Variants in C9 observed in about 807,000 individuals in gnomAD.
The protein encoded by C9 is complement C9.
In C9, 63 loss-of-function variants were observed where a neutral mutation model predicts 65.4. The observed-to-expected ratio is 0.96, with a 90% CI of 0.79 to 1.19. The LOEUF is 1.19. C9 is among the 50% of genes most tolerant of loss of function. The pLI, the probability that C9 is intolerant of heterozygous loss-of-function variation, is 0.00. For missense variants in C9, 744 were observed against 670.1 expected, an observed-to-expected ratio of 1.11 and a Z score of -1.22; for synonymous variants, 229 against 227.9, an observed-to-expected ratio of 1.00 and a Z score of -0.04.
rs2111886842 is a variant in C9 at position 39,311,213 on chromosome 5, G to T, written c.1035C>A (p.His345Gln). The change falls in exon 7 of 11, where the codon CAC becomes CAA. Residue 345 changes from histidine (H) to glutamine (Q), a missense_variant. His to Gln is a conservative substitution (Grantham distance 24). Coordinates refer to ENST00000263408, the MANE Select transcript of C9 (RefSeq NM_001737.5). ...CTCCTAGAGACCCAGAGCTACTGTA[G>T]TGAGTTCCATAGGTTTCCAAAAAGG... ...YFAFLETYGT[H>Q]YSSSGSLGGL... 1 of 1,613,162 alleles carries T rather than the reference G, an allele frequency of 6.2e-7. No homozygotes were observed. The highest frequency in any genetic ancestry group is 1.3e-5 in the African/African-American group (1 of 75,006).
intron 1 of C9, among the ~76,000 whole-genome samples, chr5:39,347,917 G>T (rs1754241494): frequency 6.7e-6 from 1 of 149,258 alleles, no homozygotes; most frequent in Non-Finnish European, 1.5e-5. Context: ...CAAGAAATGG[G>T]GAAAGGATTC....
At chr5:39,349,357 C>T (rs982236639) in intron 1 of C9, among the ~76,000 whole-genome samples, 4 of 152,052 alleles carry the variant, frequency 2.6e-5, no homozygotes, top group African/African-American at 4.8e-5. Context: ...TGATATTAAA[C>T]ATAAAAAGCC....
chr5:39,318,226 T>C, intron 5 of C9, among the ~76,000 whole-genome samples: 1 of 152,192 alleles, frequency 6.6e-6, no homozygotes, highest in South Asian at 2.1e-4. Flanking sequence ...CTGAAGTAGC[T>C]TATAAGCTTA....
intron 9 of C9, among the ~76,000 whole-genome samples, chr5:39,296,591 C>G (rs1011984888): frequency 6.6e-6 from 1 of 151,502 alleles, no homozygotes; most frequent in African/African-American, 2.4e-5. Context: ...AATTCCAATA[C>G]TGGCATTTAT....
At chr5:39,344,340 G>C (rs1367120964) in intron 1 of C9, among the ~76,000 whole-genome samples, 1 of 152,228 alleles carries the variant, frequency 6.6e-6, no homozygotes, top group African/African-American at 2.4e-5. Flanking sequence ...ACCTGATGGA[G>C]CTGAAAACCA....
At chr5:39,329,877 A>G (rs1292952357) in intron 5 of C9, among the ~76,000 whole-genome samples, 1 of 152,234 alleles carries the variant, frequency 6.6e-6, no homozygotes, top group Non-Finnish European at 1.5e-5. Flanking sequence ...GTTAAAGTAG[A>G]TATTTCCCCT....
chr5:39,341,072 A>G lies in C9; in HGVS notation c.476+74T>C, dbSNP rs185567803. 289 of 1,492,154 alleles carry G rather than the reference A, an allele frequency of 1.9e-4. 1 individual carries two copies. The Admixed American group carries it at 3.8e-3, about 19-fold the overall frequency. 92.4% of individuals were successfully genotyped at this position (1,492,154 alleles called of 1,614,324 possible). A position where few individuals can be genotyped will look rare whatever the true frequency, so the allele number is the denominator to read the frequency against. ...TGTCCCTCGCACAAATGCTTCTACC[A>G]GTCTATCACAATGAGAGAGATGGAG... On this transcript the variant is annotated intron_variant, in intron 4 of 10. Coordinates refer to ENST00000263408, the MANE Select transcript of C9 (RefSeq NM_001737.5).
intron 5 of C9, among the ~76,000 whole-genome samples, chr5:39,321,791 C>A (rs929685146): frequency 6.6e-6 from 1 of 151,944 alleles, no homozygotes; most frequent in Non-Finnish European, 1.5e-5. Context: ...ATGAAGGGGT[C>A]AATTTTGTCA....
At chr5:39,334,673 C>T (rs1163491900) in intron 4 of C9, among the ~76,000 whole-genome samples, 12 of 150,534 alleles carry the variant, frequency 8.0e-5, no homozygotes, top group East Asian at 6.0e-4. Flanking sequence ...CCCGGCCAGC[C>T]GCCCAGTCCG....
chr5:39,321,905 G>A (rs903946101), intron 5 of C9, among the ~76,000 whole-genome samples: 2 of 151,936 alleles, frequency 1.3e-5, no homozygotes, highest in African/African-American at 4.8e-5. Context: ...AAATAGTAGG[G>A]GACTTCTTAA....
At chr5:39,341,068 T>C in intron 4 of C9, 78 bp downstream of exon 4, 2 of 1,492,354 alleles carry the variant, frequency 1.3e-6, no homozygotes, top group Admixed American at 1.7e-5. Flanking sequence ...CAAATGCTTC[T>C]ACCAGTCTAT....
At chr5:39,330,930 A>G (rs1287162988) in intron 5 of C9, among the ~76,000 whole-genome samples, 1 of 152,238 alleles carries the variant, frequency 6.6e-6, no homozygotes, top group East Asian at 1.9e-4. Flanking sequence ...GATAACAATA[A>G]GAGCCCTGTA....
intron 1 of C9, among the ~76,000 whole-genome samples, chr5:39,346,302 G>A (rs1326630947): frequency 6.6e-6 from 1 of 152,016 alleles, no homozygotes; most frequent in East Asian, 1.9e-4. Context: ...AAAGAGAGAA[G>A]AATCAAATAG....
At chr5:39,344,064 A>C (rs1026774728) in intron 1 of C9, among the ~76,000 whole-genome samples, 1 of 152,208 alleles carries the variant, frequency 6.6e-6, no homozygotes, top group Admixed American at 6.5e-5. Flanking sequence ...AAAACCACAA[A>C]GATGGGGGAA....
At chr5:39,288,574 C>A (rs1753033132) in intron 10 of C9, 149 bp downstream of exon 10, 2 of 603,094 alleles carry the variant, frequency 3.3e-6, no homozygotes, top group Non-Finnish European at 3.0e-6. Flanking sequence ...GCTGATTTAC[C>A]CATTTTCACT....
chr5:39,306,479 C>T, intron 9 of C9, 138 bp downstream of exon 9: 1 of 735,632 alleles, frequency 1.4e-6, no homozygotes. Context: ...TATGCCATGC[C>T]TCCTTTTGGG....
In C9 at chr5:39,359,102, G is replaced by GTATATATATATATATA. The variant is rs1157807681; in HGVS notation, c.77+5270_77+5285dup. On this transcript the variant is annotated intron_variant, in intron 1 of 10. Transcript: ENST00000263408. The stretch of plus-strand genomic sequence containing the variant: ...TGTATATATATATGTGTGTGTGTGT[G>GTATATATATATATATA]TATATATATATATATATATATATGT... Among the ~76,000 whole-genome samples the GTATATATATATATATA allele has an allele frequency of 2.9e-3, 296 of 103,624 alleles. 5 individuals are homozygous for GTATATATATATATATA. Among genetic ancestry groups the GTATATATATATATATA allele is most frequent in the African/African-American group, 6.9e-3 (183 of 26,522 alleles). The allele number at this position is 103,624 out of a possible 152,430, so 68.0% of individuals were successfully genotyped here. A position where few individuals can be genotyped will look rare whatever the true frequency, so the allele number is the denominator to read the frequency against.
chr5:39,292,889 A>G (rs1273245791), intron 9 of C9, among the ~76,000 whole-genome samples: 3 of 96,544 alleles, frequency 3.1e-5, no homozygotes. Flanking sequence ...TTTTTAAAAG[A>G]GACATGAGTA....
In C9 at chr5:39,317,329, C is replaced by T. The variant is rs182087500; in HGVS notation, c.616-1300G>A. 1.8e-3 allele frequency among the ~76,000 whole-genome samples: 272 copies of T among 152,100 alleles called. 1 individual carries two copies. The highest frequency in any genetic ancestry group is 0.01 in the Middle Eastern group (3 of 294). On this transcript the variant is annotated intron_variant, in intron 5 of 10. Coordinates refer to ENST00000263408, the MANE Select transcript of C9 (RefSeq NM_001737.5). ...TCACTCTGATGTTAGTTTCTTTTGC[C>T]GTGCAGAAGCTCTTTAGTTTAACTG...
Sources: allele counts gnomAD v4.1 joint callset (sites outside exome capture counted in the v4.1 genomes callset), GRCh38; gene constraint gnomAD v4.1.1; transcripts MANE v1.5; gene names NCBI Gene and HGNC (gene_info 2026-07-23, HGNC 2026-07-21).